Variants in DOCK6 observed in about 807,000 individuals in gnomAD.
The protein encoded by DOCK6 is dedicator of cytokinesis 6, also known as dedicator of cytokinesis protein 6.
A neutral mutation model predicts 230.3 loss-of-function variants in DOCK6; 167 were observed. The observed-to-expected ratio is 0.73, with a 90% CI of 0.64 to 0.82. The LOEUF is 0.82. Ranked by LOEUF, DOCK6 falls within the 40% of genes least tolerant of loss-of-function variation. The pLI, the probability that DOCK6 is intolerant of heterozygous loss-of-function variation, is 0.00. For missense variants in DOCK6, 2,598 were observed against 2,825.8 expected (o/e 0.92, Z 1.83); for synonymous variants, 1,148 against 1,185.0 (o/e 0.97, Z 0.64).
rs1363586266 is a variant in DOCK6 at position 11,212,561 on chromosome 19, C to CTTTT, written c.4492-411_4492-410insAAAA. Among the ~76,000 whole-genome samples, 9 of 100,034 alleles carry CTTTT rather than the reference C, an allele frequency of 9.0e-5. No individual in the cohort carries two copies. The Admixed American group carries it at 1.0e-3, about 12-fold the overall frequency. 65.6% of individuals were successfully genotyped at this position (100,034 alleles called of 152,430 possible). A position where few individuals can be genotyped will look rare whatever the true frequency, so the allele number is the denominator to read the frequency against. ...CCAGCATTTTTTCTTTTCTTTCTTT[C>CTTTT]TTTCTTTTTTTTTTTTTTTGAGACT... On this transcript the variant is annotated intron_variant, in intron 35 of 47. Transcript: ENST00000294618.
At chr19:11,203,896 GC>G in intron 41 of DOCK6, 184 bp downstream of exon 41, 1 of 719,266 alleles carries the variant, frequency 1.4e-6, no homozygotes, top group Admixed American at 3.0e-5. Context: ...GAGATCTGGG[GC>G]GGGGGGTGGG....
rs182450663 is a variant in DOCK6 at position 11,256,777 on chromosome 19, A to C, written c.45-3051T>G. ...ACTGCAACCTCCACCTCCAGGGTTC[A>C]AGCGATTCTCCTGTCTCAGCCTCCT... On this transcript the variant is annotated intron_variant, in intron 1 of 47. Transcript: ENST00000294618. Among the ~76,000 whole-genome samples the C allele has an allele frequency of 9.5e-3, 1,448 of 152,282 alleles. 66 individuals are homozygous for C. The highest frequency in any genetic ancestry group is 0.085 in the Admixed American group (1,300 of 15,272).
chr19:11,212,883 T>G, intron 35 of DOCK6, among the ~76,000 whole-genome samples: 1 of 148,686 alleles, frequency 6.7e-6, no homozygotes, highest in Non-Finnish European at 1.5e-5. Flanking sequence ...TTTTTTTTTT[T>G]TTTTATTGAG....
intron 1 of DOCK6, among the ~76,000 whole-genome samples, chr19:11,259,033 G>A (rs192466350): frequency 6.6e-6 from 1 of 152,068 alleles, no homozygotes; most frequent in Admixed American, 6.6e-5. Flanking sequence ...ATAGGCATGA[G>A]CCACCATACC....
rs142474773 is a variant in DOCK6 at position 11,200,575 on chromosome 19, C to T, written c.5940-106G>A. 4.3e-5 allele frequency: 66 copies of T among 1,523,460 alleles called. No individual in the cohort carries two copies. The highest frequency in any genetic ancestry group is 2.6e-4 in the Admixed American group (13 of 50,846). 94.4% of individuals were successfully genotyped at this position (1,523,460 alleles called of 1,614,324 possible). ...GCGGGACCAGGCCTGCAGAAAGACC[C>T]GCAATAGGAGGTCAGGTTGGGAGAG... On this transcript the variant is annotated intron_variant, in intron 46 of 47. Transcript: ENST00000294618. This position sits in a 1 kb window ranked among gnomAD's most constrained non-coding sequence, Gnocchi z 4.3.
chr19:11,224,937 G>A (rs775650861), intron 24 of DOCK6, among the ~76,000 whole-genome samples: 3 of 152,112 alleles, frequency 2.0e-5, no homozygotes, highest in Admixed American at 6.6e-5. Flanking sequence ...GGTGGTGGGC[G>A]CCTATAGTCC....
At position 11,202,200 on chromosome 19, in the gene DOCK6, G is replaced by T. The variant is rs2079181417; in HGVS notation, c.5452-75C>A. On this transcript the variant is annotated intron_variant, in intron 43 of 47. Coordinates refer to ENST00000294618, the MANE Select transcript of DOCK6 (RefSeq NM_020812.4). The surrounding 1 kb of genome is among the most constrained non-coding windows in gnomAD (Gnocchi z 5.3). Reference sequence around the variant, plus strand: ...CCAAGCCCTGTTCCTGGAGAGAGGGGATCTGGGGACTTTGTCATTTCCAAG... The same window carrying T: ...CCAAGCCCTGTTCCTGGAGAGAGGGTATCTGGGGACTTTGTCATTTCCAAG... The T allele has an allele frequency of 6.7e-7, 1 of 1,503,342 alleles. No individual in the cohort carries two copies. Among genetic ancestry groups the T allele is most frequent in the Non-Finnish European group, 9.2e-7 (1 of 1,091,444 alleles). The allele number at this position is 1,503,342 out of a possible 1,614,324, so 93.1% of individuals were successfully genotyped here.
intron 39 of DOCK6, chr19:11,208,207 C>G (rs1282633466): frequency 6.5e-6 from 1 of 153,936 alleles, no homozygotes; most frequent in East Asian, 1.9e-4. Context: ...CTTGCTATAT[C>G]AGGCCTGCAT....
chr19:11,233,097 G>A (rs1161476269), intron 22 of DOCK6, 106 bp downstream of exon 22: 11 of 1,434,116 alleles, frequency 7.7e-6, no homozygotes, highest in East Asian at 2.5e-5. Flanking sequence ...CTTCATTCAC[G>A]TTGTCGTCTC....
In DOCK6 at chr19:11,236,541, C is replaced by T. The variant is rs1190244647; in HGVS notation, c.2197G>A (p.Val733Ile). ...YLDKFFTLVHVLEEGAFPFRL... is the reference protein window; with the variant it reads ...YLDKFFTLVHILEEGAFPFRL... ...AATGGGAAGGCTCCCTCCTCCAGGACGTGCACCAGGGTGAAGAATTTGTCC... is the reference window on the plus strand; with the variant it reads ...AATGGGAAGGCTCCCTCCTCCAGGATGTGCACCAGGGTGAAGAATTTGTCC... The change falls in exon 20 of 48, where the codon GTC becomes ATC. Residue 733 changes from valine to isoleucine, a missense_variant. Transcript: ENST00000294618. The surrounding 1 kb of genome is among the most constrained non-coding windows in gnomAD (Gnocchi z 5.2). 2.0e-5 allele frequency: 32 copies of T among 1,601,740 alleles called. No homozygotes were observed. The highest frequency in any genetic ancestry group is 1.7e-4 in the Middle Eastern group (1 of 6,034).
intron 1 of DOCK6, among the ~76,000 whole-genome samples, chr19:11,254,203 T>G (rs139346822): frequency 1.3e-3 from 195 of 152,362 alleles, no homozygotes; most frequent in African/African-American, 4.5e-3. Context: ...GCTGATGCCC[T>G]GACTTCACAG....
intron 47 of DOCK6, 117 bp from the exon 48 acceptor site, chr19:11,199,656 C>A: frequency 1.8e-6 from 2 of 1,113,116 alleles, no homozygotes; most frequent in South Asian, 2.7e-5. Flanking sequence ...CTTCTGGGAT[C>A]TCTCCTGTCC....
chr19:11,205,888 G>A (rs1340751464), intron 39 of DOCK6: 1 of 150,340 alleles, frequency 6.7e-6, no homozygotes, highest in Non-Finnish European at 1.5e-5. Flanking sequence ...GCCTCCCAAA[G>A]TGCTGGGATC....
chr19:11,249,860 T>C (rs1332097445), intron 6 of DOCK6, among the ~76,000 whole-genome samples: 1 of 118,904 alleles, frequency 8.4e-6, no homozygotes, highest in East Asian at 2.6e-4. Flanking sequence ...ATAGCGCCAC[T>C]GCAGTCCAGC....
chr19:11,255,944 G>A (rs2080190922), intron 1 of DOCK6, among the ~76,000 whole-genome samples: 1 of 151,934 alleles, frequency 6.6e-6, no homozygotes, highest in South Asian at 2.1e-4. Flanking sequence ...CCACCACTAC[G>A]CCCAGCTAAT....
At chr19:11,214,694 C>T in intron 32 of DOCK6, 45 bp from the exon 33 acceptor site, 1 of 1,574,092 alleles carries the variant, frequency 6.4e-7, no homozygotes, top group Non-Finnish European at 8.7e-7. Flanking sequence ...GGGGTGAGAT[C>T]CTACTCCATG....
rs573288150 is a variant in DOCK6 at position 11,236,413 on chromosome 19, G to C, written c.2325C>G (p.Phe775Leu). The C allele has an allele frequency of 6.3e-7, 1 of 1,589,002 alleles. No individual in the cohort carries two copies. Among genetic ancestry groups the C allele is most frequent in the African/African-American group, 1.3e-5 (1 of 74,566 alleles). The change falls in exon 20 of 48, where the codon TTC becomes TTG. Residue 775 changes from phenylalanine to leucine, a missense_variant. By Grantham distance (22) the Phe-to-Leu change is conservative (BLOSUM62 0). Transcript: ENST00000294618. The surrounding 1 kb of genome is among the most constrained non-coding windows in gnomAD (Gnocchi z 5.2). ...CGAGCTTGTCCAGCACGTGGTGGGAGAAGGCCACAAGGGGTTCGGGGCTGG... is the reference window on the plus strand; with the variant it reads ...CGAGCTTGTCCAGCACGTGGTGGGACAAGGCCACAAGGGGTTCGGGGCTGG... ...RLASPEPLVA[F>L]SHHVLDKLVR...
At position 11,217,555 on chromosome 19, in the gene DOCK6, G is replaced by A. The variant is rs536979865; in HGVS notation, c.3551-164C>T. ...GTGGATCACCTGAGGTCAGGAGTTC[G>A]AGACCAGCCTGGCCAACGTGGCAAA... On this transcript the variant is annotated intron_variant, in intron 28 of 47. Transcript: ENST00000294618. Among the ~76,000 whole-genome samples the A allele has an allele frequency of 3.9e-5, 6 of 152,040 alleles. No individual in the cohort carries two copies. The East Asian group carries it at 5.9e-4, about 15-fold the overall frequency.
At chr19:11,235,014 C>G (rs1166136477) in intron 21 of DOCK6, among the ~76,000 whole-genome samples, 1 of 152,024 alleles carries the variant, frequency 6.6e-6, no homozygotes, top group Non-Finnish European at 1.5e-5. Context: ...GTGATCTCAG[C>G]TCACTGCAAT....
Sources: gnomAD v4.1 joint callset for allele counts (sites outside exome capture counted in the v4.1 genomes callset) on GRCh38, gnomAD v4.1.1 for gene constraint, Gnocchi (gnomAD v3.1) non-coding constraint, MANE v1.5 for transcripts, NCBI Gene and HGNC (gene_info 2026-07-23, HGNC 2026-07-21) for gene names.